The following LINC01488 variants were observed in gnomAD, a reference collection of about 807,000 sequenced individuals.
LINC01488 encodes the protein CCND1-upstream intergenic DNA repair 1.
At chr11:69,489,497 C>A (rs899221603) in intron 1 of LINC01488, among the ~76,000 whole-genome samples, 2 of 152,256 alleles carry the variant, frequency 1.3e-5, no homozygotes, top group African/African-American at 2.4e-5. Flanking sequence ...ACTAAAATAG[C>A]CAGCAGCAGC....
chr11:69,482,654 A>AAT (rs1857059998), intron 1 of LINC01488, among the ~76,000 whole-genome samples: 1 of 152,130 alleles, frequency 6.6e-6, no homozygotes, highest in Admixed American at 6.5e-5. Flanking sequence ...TGGATGGATG[A>AAT]ATGGATGGAA....
chr11:69,490,814 G>A (rs903028700), intron 2 of LINC01488: 1 of 152,310 alleles, frequency 6.6e-6, no homozygotes, highest in African/African-American at 2.4e-5. Flanking sequence ...GCTCAGCAGT[G>A]CAGCAGTATC....
At chr11:69,487,099 G>A (rs115242326) in intron 1 of LINC01488, among the ~76,000 whole-genome samples, 2,249 of 152,354 alleles carry the variant, frequency 0.015, 73 homozygotes, top group African/African-American at 0.052. Flanking sequence ...GGCGGCTGCC[G>A]CCTCCCGCAG....
intron 1 of LINC01488, chr11:69,481,798 A>C (rs1306987298): frequency 2.6e-5 from 4 of 152,282 alleles, no homozygotes; most frequent in Non-Finnish European, 5.9e-5. Flanking sequence ...GGTCTCTAAC[A>C]GCTTTGAGAT....
chr11:69,490,252 G>A (rs570806547), intron 1 of LINC01488, among the ~76,000 whole-genome samples: 89 of 152,322 alleles, frequency 5.8e-4, no homozygotes, highest in Non-Finnish European at 6.8e-4. Context: ...GCTTTTGTCC[G>A]AAGCTGCAGT....
At chr11:69,487,831 T>C (rs1381533163) in intron 1 of LINC01488, 3 of 152,286 alleles carry the variant, frequency 2.0e-5, no homozygotes, top group African/African-American at 7.2e-5. Context: ...TACCCTGACA[T>C]CCCCATCTGC....
chr11:69,488,106 C>G (rs1439747209), intron 1 of LINC01488: 1 of 152,360 alleles, frequency 6.6e-6, no homozygotes. Context: ...GGCCTCGAAC[C>G]TCCTCTCCCC....
intron 1 of LINC01488, chr11:69,488,446 G>A (rs537882779): frequency 1.3e-5 from 2 of 152,492 alleles, no homozygotes; most frequent in Non-Finnish European, 2.9e-5. Flanking sequence ...GCAGGCTTGG[G>A]CCCCCTCCCG....
chr11:69,489,208 C>T (rs541711890), intron 1 of LINC01488, among the ~76,000 whole-genome samples: 18 of 152,246 alleles, frequency 1.2e-4, no homozygotes, highest in African/African-American at 4.3e-4. Context: ...ACCGAGACCC[C>T]AGACGCCCTC....
intron 1 of LINC01488, among the ~76,000 whole-genome samples, chr11:69,483,587 C>T (rs1051119474): frequency 1.2e-4 from 18 of 152,132 alleles, no homozygotes; most frequent in Admixed American, 3.9e-4. Flanking sequence ...GTCTGTGACC[C>T]GGGCTCAGAG....
intron 1 of LINC01488, chr11:69,488,190 T>A (rs1004402605): frequency 2.6e-5 from 4 of 152,366 alleles, no homozygotes; most frequent in African/African-American, 9.7e-5. Context: ...CAAAAGAACA[T>A]CATGATGCAT....
intron 1 of LINC01488, among the ~76,000 whole-genome samples, chr11:69,482,525 T>A (rs900827327): frequency 6.6e-6 from 1 of 151,198 alleles, no homozygotes; most frequent in Non-Finnish European, 1.5e-5. Context: ...GACGGATGGA[T>A]GAATGGATGG....
At chr11:69,486,968 G>A (rs569888868) in intron 1 of LINC01488, among the ~76,000 whole-genome samples, 10 of 152,152 alleles carry the variant, frequency 6.6e-5, no homozygotes, top group East Asian at 1.9e-4. Flanking sequence ...CTCCTCTTTC[G>A]CGTTAACCCG....
intron 3 of LINC01488, chr11:69,491,703 CTG>C (rs1282558153): frequency 5.2e-5 from 8 of 152,594 alleles, no homozygotes; most frequent in Admixed American, 3.9e-4. Context: ...CCGCACCAAT[CTG>C]TGTGGAGCGC....
At chr11:69,484,007 C>T (rs570330003) in intron 1 of LINC01488, among the ~76,000 whole-genome samples, 14 of 152,240 alleles carry the variant, frequency 9.2e-5, no homozygotes, top group Non-Finnish European at 1.9e-4. Flanking sequence ...ACTCACTCCA[C>T]GACCTCACAC....
intron 1 of LINC01488, chr11:69,487,890 T>G (rs558226464): frequency 6.6e-6 from 1 of 152,350 alleles, no homozygotes; most frequent in Non-Finnish European, 1.5e-5. Context: ...TTGTCCCTTG[T>G]CCTCCCAGGT....
chr11:69,489,231 C>T (rs372907766), intron 1 of LINC01488, among the ~76,000 whole-genome samples: 2 of 152,068 alleles, frequency 1.3e-5, no homozygotes, highest in Non-Finnish European at 2.9e-5. Context: ...GTCTCTCCAC[C>T]GCAGACCACA....
At chr11:69,486,397 C>T (rs902009416) in intron 1 of LINC01488, among the ~76,000 whole-genome samples, 3 of 152,222 alleles carry the variant, frequency 2.0e-5, no homozygotes, top group Non-Finnish European at 4.4e-5. Context: ...ACCACGAGGT[C>T]CACCTGCCCA....
At chr11:69,484,086 C>G (rs537477537) in intron 1 of LINC01488, among the ~76,000 whole-genome samples, 2 of 152,244 alleles carry the variant, frequency 1.3e-5, no homozygotes, top group Non-Finnish European at 2.9e-5. Flanking sequence ...GCCCTAGGTA[C>G]CTGCTGTGAG....
Sources: allele counts gnomAD v4.1 joint callset (sites outside exome capture counted in the v4.1 genomes callset), GRCh38; gene constraint gnomAD v4.1.1; transcripts MANE v1.5; gene names NCBI Gene and HGNC (gene_info 2026-07-23, HGNC 2026-07-21).